Variants in SLC9A9 observed in about 807,000 individuals in gnomAD.
The protein encoded by SLC9A9 is solute carrier family 9 member A9.
SLC9A9 carries 62 observed loss-of-function variants against 77.8 expected under a neutral mutation model. That is an observed-to-expected ratio of 0.80 (90% CI 0.65 to 0.98). SLC9A9 has a LOEUF of 0.98. SLC9A9 is among the 50% of genes least tolerant of loss of function. The pLI, the probability that SLC9A9 is intolerant of heterozygous loss-of-function variation, is 0.00. For synonymous variants in SLC9A9, 320 were observed against 283.5 expected (o/e 1.13, Z -1.29); for missense variants, 775 against 774.9 (o/e 1.00, Z 0.00).
chr3:143,452,804 T>C (rs1207328575), intron 12 of SLC9A9, among the ~76,000 whole-genome samples: 1 of 152,108 alleles, frequency 6.6e-6, no homozygotes, highest in East Asian at 1.9e-4. Flanking sequence ...GCAATAATGG[T>C]ACTTTGGTTA....
chr3:143,796,009 C>T (rs1310731784), intron 3 of SLC9A9, among the ~76,000 whole-genome samples: 1 of 152,132 alleles, frequency 6.6e-6, no homozygotes, highest in Non-Finnish European at 1.5e-5. Context: ...AAGATGACTG[C>T]TCAAGAGGAA....
intron 14 of SLC9A9, among the ~76,000 whole-genome samples, chr3:143,305,953 C>G (rs1029880573): frequency 1.3e-5 from 2 of 152,090 alleles, no homozygotes; most frequent in African/African-American, 4.8e-5. Flanking sequence ...ACAAAACGGT[C>G]TAACAATTTC....
intron 1 of SLC9A9, among the ~76,000 whole-genome samples, chr3:143,841,386 C>T (rs958959313): frequency 2.6e-5 from 4 of 152,248 alleles, no homozygotes; most frequent in South Asian, 2.1e-4. Flanking sequence ...GGATTAAATG[C>T]GTTAATATAT....
At chr3:143,414,951 T>C (rs2034164760) in intron 12 of SLC9A9, among the ~76,000 whole-genome samples, 2 of 152,226 alleles carry the variant, frequency 1.3e-5, no homozygotes, top group Non-Finnish European at 2.9e-5. Context: ...TTAAAGATGC[T>C]ACTCCTGGGA....
At chr3:143,619,800 TC>T (rs1210578454) in intron 6 of SLC9A9, among the ~76,000 whole-genome samples, 2 of 152,184 alleles carry the variant, frequency 1.3e-5, no homozygotes, top group Non-Finnish European at 2.9e-5. Flanking sequence ...CAACTTCTGG[TC>T]CCGCCAACAG....
At chr3:143,782,149 T>C (rs1162152678) in intron 4 of SLC9A9, among the ~76,000 whole-genome samples, 1 of 152,248 alleles carries the variant, frequency 6.6e-6, no homozygotes, top group African/African-American at 2.4e-5. Context: ...CTTGTGGATA[T>C]GAATTATACA....
intron 9 of SLC9A9, chr3:143,518,252 C>A (rs2036236875): frequency 3.2e-6 from 5 of 1,566,806 alleles, no homozygotes; most frequent in Admixed American, 3.3e-5. Flanking sequence ...GTGGGCGAAG[C>A]TCAGGGGCTG....
intron 14 of SLC9A9, among the ~76,000 whole-genome samples, chr3:143,284,933 C>A (rs1938340171): frequency 6.6e-6 from 1 of 152,056 alleles, no homozygotes; most frequent in African/African-American, 2.4e-5. Flanking sequence ...TTTCAAATAC[C>A]TTTGATATTC....
intron 14 of SLC9A9, among the ~76,000 whole-genome samples, chr3:143,337,810 C>T (rs780647185): frequency 2.0e-5 from 3 of 152,286 alleles, no homozygotes; most frequent in Middle Eastern, 3.4e-3. Flanking sequence ...GTGACTTTGG[C>T]CTTGTGCCCA....
chr3:143,293,130 T>C (rs1201676892), intron 14 of SLC9A9, among the ~76,000 whole-genome samples: 1 of 152,210 alleles, frequency 6.6e-6, no homozygotes, highest in Non-Finnish European at 1.5e-5. Flanking sequence ...TCTATGCTTA[T>C]ATCAATTCAT....
intron 5 of SLC9A9, among the ~76,000 whole-genome samples, chr3:143,688,112 TTC>T (rs946925084): frequency 7.9e-5 from 12 of 151,080 alleles, no homozygotes; most frequent in African/African-American, 9.7e-5. Context: ...CCTTTCTTTC[TTC>T]TCTCTCTCTC....
chr3:143,267,563 G>T (rs531301995), intron 15 of SLC9A9, among the ~76,000 whole-genome samples: 25 of 152,102 alleles, frequency 1.6e-4, no homozygotes, highest in African/African-American at 6.0e-4. Flanking sequence ...ATGTTGGTCA[G>T]GCTGGTCTTG....
intron 4 of SLC9A9, among the ~76,000 whole-genome samples, chr3:143,760,143 A>G (rs1273341632): frequency 2.0e-5 from 3 of 152,134 alleles, no homozygotes; most frequent in Non-Finnish European, 4.4e-5. Context: ...AAAAAATAAT[A>G]ACCGTAAATA....
At chr3:143,455,110 G>T (rs1250300608) in intron 12 of SLC9A9, among the ~76,000 whole-genome samples, 3 of 152,160 alleles carry the variant, frequency 2.0e-5, no homozygotes, top group Non-Finnish European at 4.4e-5. Context: ...AAAATGCTGG[G>T]AGTCATCTTA....
intron 12 of SLC9A9, among the ~76,000 whole-genome samples, chr3:143,460,887 G>C (rs1359320849): frequency 6.6e-6 from 1 of 152,092 alleles, no homozygotes; most frequent in Non-Finnish European, 1.5e-5. Flanking sequence ...TAAATATTTA[G>C]ATTTATGAAA....
chr3:143,658,173 T>C (rs915129573), intron 5 of SLC9A9, among the ~76,000 whole-genome samples: 3 of 152,188 alleles, frequency 2.0e-5, no homozygotes, highest in South Asian at 4.1e-4. Context: ...GCCTCTAATA[T>C]GTAAATATTG....
At chr3:143,648,552 A>C (rs1369668113) in intron 6 of SLC9A9, among the ~76,000 whole-genome samples, 1 of 152,192 alleles carries the variant, frequency 6.6e-6, no homozygotes, top group Admixed American at 6.5e-5. Context: ...GTGCCGGTCC[A>C]CAGCCTGGGG....
chr3:143,635,113 G>T (rs917130346), intron 6 of SLC9A9, among the ~76,000 whole-genome samples: 1 of 152,148 alleles, frequency 6.6e-6, no homozygotes, highest in Non-Finnish European at 1.5e-5. Flanking sequence ...GCTCCACGTG[G>T]TATCAGCTGG....
intron 14 of SLC9A9, among the ~76,000 whole-genome samples, chr3:143,308,302 C>A (rs570476822): frequency 6.6e-6 from 1 of 152,122 alleles, no homozygotes; most frequent in Non-Finnish European, 1.5e-5. Flanking sequence ...TTCAGCCAGG[C>A]GTGGTGGCTC....
Sources: gnomAD v4.1 joint callset for allele counts (sites outside exome capture counted in the v4.1 genomes callset) on GRCh38, gnomAD v4.1.1 for gene constraint, MANE v1.5 for transcripts, NCBI Gene and HGNC (gene_info 2026-07-23, HGNC 2026-07-21) for gene names.